The following SFSWAP variants were observed in gnomAD, a reference collection of about 807,000 sequenced individuals.
SFSWAP encodes splicing factor SWAP.
SFSWAP carries 17 observed loss-of-function variants against 100.7 expected under a neutral mutation model. The ratio of observed to expected loss-of-function variants is 0.17; its 90% CI spans 0.12 to 0.25. The LOEUF (loss-of-function observed/expected upper bound fraction) is 0.25. SFSWAP is among the 10% of genes least tolerant of loss of function. SFSWAP has a pLI of 1.00. For synonymous variants in SFSWAP, 504 were observed against 510.1 expected (o/e 0.99, Z 0.16); for missense variants, 1,005 against 1,262.6 (o/e 0.80, Z 3.09).
chr12:131,734,239 A>G lies in SFSWAP; in HGVS notation c.1081+5811A>G, dbSNP rs1231532469. On this transcript the variant is annotated intron_variant, in intron 7 of 17. Coordinates refer to ENST00000261674, the MANE Select transcript of SFSWAP (RefSeq NM_004592.4). This position sits in a 1 kb window ranked among gnomAD's most constrained non-coding sequence, Gnocchi z 4.9. Reference sequence around the variant, plus strand: ...ACGTTGGGCTGGGTGTGGCTCGTACATAGGACAGGGCCCACACACTGGATT... The same window carrying G: ...ACGTTGGGCTGGGTGTGGCTCGTACGTAGGACAGGGCCCACACACTGGATT... 1.3e-5 allele frequency among the ~76,000 whole-genome samples: 2 copies of G among 152,236 alleles called. No individual in the cohort carries two copies. Among genetic ancestry groups the G allele is most frequent in the Non-Finnish European group, 2.9e-5 (2 of 68,028 alleles).
chr12:131,718,166 A>C (rs1282329477), intron 3 of SFSWAP, among the ~76,000 whole-genome samples: 5 of 152,246 alleles, frequency 3.3e-5, no homozygotes, highest in African/African-American at 1.2e-4. Flanking sequence ...TCAGACTGGA[A>C]TACCCAAGTT....
intron 15 of SFSWAP, among the ~76,000 whole-genome samples, chr12:131,791,748 CAAAA>C (rs1039039479): frequency 4.6e-5 from 7 of 152,192 alleles, no homozygotes; most frequent in East Asian, 3.9e-4. Context: ...TCTCAAAAAA[CAAAA>C]AGAAAGAAAG....
At chr12:131,717,326 C>T (rs1466251152) in intron 3 of SFSWAP, among the ~76,000 whole-genome samples, 1 of 152,162 alleles carries the variant, frequency 6.6e-6, no homozygotes, top group Non-Finnish European at 1.5e-5. Context: ...CTGATCTTTA[C>T]TATTTTCAGT....
chr12:131,716,402 CATTT>C (rs1233475280), intron 3 of SFSWAP, among the ~76,000 whole-genome samples: 1 of 152,204 alleles, frequency 6.6e-6, no homozygotes. Context: ...CGTAAACACC[CATTT>C]ATTTATCCAG....
rs1022100356 is a variant in SFSWAP at position 131,778,025 on chromosome 12, G to GT, written c.2143-36dup. On this transcript the variant is annotated intron_variant, in intron 13 of 17. Coordinates refer to ENST00000261674, the MANE Select transcript of SFSWAP (RefSeq NM_004592.4). The surrounding 1 kb of genome is among the most constrained non-coding windows in gnomAD (Gnocchi z 4.2). ...TATAGATATACATCTTCAATGTTCT[G>GT]TTTTCCCTGTTAACACCCAGATTTT... The GT allele has an allele frequency of 1.9e-6, 3 of 1,580,516 alleles. No individual in the cohort carries two copies. The highest frequency in any genetic ancestry group is 2.0e-5 in the Admixed American group (1 of 49,870).
intron 7 of SFSWAP, among the ~76,000 whole-genome samples, chr12:131,728,825 T>C (rs1469914319): frequency 6.6e-6 from 1 of 151,992 alleles, no homozygotes; most frequent in African/African-American, 2.4e-5. Flanking sequence ...TCGGTCTCTC[T>C]AGTAGGTGGG....
At chr12:131,791,609 G>A (rs545462483) in intron 15 of SFSWAP, among the ~76,000 whole-genome samples, 22 of 150,576 alleles carry the variant, frequency 1.5e-4, no homozygotes, top group Non-Finnish European at 2.1e-4. Context: ...AAAATTAACC[G>A]GGTGTGGTAG....
intron 9 of SFSWAP, among the ~76,000 whole-genome samples, 155 bp downstream of exon 9, chr12:131,754,654 G>A (rs1306477535): frequency 4.4e-5 from 2 of 45,672 alleles, no homozygotes; most frequent in Admixed American, 3.6e-4. Flanking sequence ...TTTTTTTTGA[G>A]ATGGAGTCTT....
chr12:131,750,070 G>A (rs577015482), intron 7 of SFSWAP, among the ~76,000 whole-genome samples: 5 of 152,346 alleles, frequency 3.3e-5, no homozygotes, highest in Middle Eastern at 3.4e-3. Context: ...GAAGCCCTTC[G>A]GGAGGCTGGC....
At chr12:131,770,090 T>C (rs1028267781) in intron 13 of SFSWAP, among the ~76,000 whole-genome samples, 4 of 152,272 alleles carry the variant, frequency 2.6e-5, no homozygotes, top group African/African-American at 9.6e-5. Flanking sequence ...TGTAATTAAA[T>C]TGGCAATTGC....
chr12:131,716,900 TATC>T (rs1877968128), intron 3 of SFSWAP, among the ~76,000 whole-genome samples: 1 of 152,234 alleles, frequency 6.6e-6, no homozygotes, highest in South Asian at 2.1e-4. Flanking sequence ...TGACTTAGCT[TATC>T]ATCTGAGTAT....
chr12:131,748,276 T>C (rs1593143833), intron 7 of SFSWAP, among the ~76,000 whole-genome samples: 1 of 144,282 alleles, frequency 6.9e-6, no homozygotes, highest in African/African-American at 2.5e-5. Context: ...AGCCTCCACC[T>C]CCCGGGTTCA....
intron 3 of SFSWAP, among the ~76,000 whole-genome samples, chr12:131,716,150 G>A (rs1255601979): frequency 4.6e-5 from 7 of 152,178 alleles, no homozygotes; most frequent in African/African-American, 1.7e-4. Context: ...ATAGGACGTG[G>A]GGCAAACGCA....
At position 131,756,324 on chromosome 12, in the gene SFSWAP, T is replaced by C; in HGVS notation, c.1549-149T>C. ...TTCCATTGTAAGAAAAAACAGCAGA[T>C]CTGGATTTGGAAGTCTGTTCCCAGT... On this transcript the variant is annotated intron_variant, in intron 10 of 17. Transcript: ENST00000261674. 6.1e-6 allele frequency: 4 copies of C among 659,210 alleles called. No individual in the cohort carries two copies. The South Asian group carries it at 7.5e-5, about 12-fold the overall frequency. The allele number at this position is 659,210 out of a possible 1,614,324, so 40.8% of individuals were successfully genotyped here.
intron 7 of SFSWAP, among the ~76,000 whole-genome samples, chr12:131,738,433 C>T (rs775847651): frequency 7.2e-5 from 11 of 152,184 alleles, no homozygotes; most frequent in Non-Finnish European, 1.2e-4. Context: ...CAAAGATCAT[C>T]TTTATGCACG....
chr12:131,787,865 T>G (rs569311644), intron 15 of SFSWAP, among the ~76,000 whole-genome samples: 1 of 152,318 alleles, frequency 6.6e-6, no homozygotes, highest in African/African-American at 2.4e-5. Context: ...AAGATGTGAT[T>G]TTTTTCTTAA....
chr12:131,739,084 C>T (rs1880349131), intron 7 of SFSWAP, among the ~76,000 whole-genome samples: 1 of 151,762 alleles, frequency 6.6e-6, no homozygotes, highest in South Asian at 2.1e-4. Context: ...TGCTATGTTG[C>T]CCAGGCTGAT....
intron 12 of SFSWAP, 103 bp from the exon 13 acceptor site, chr12:131,766,015 T>C (rs1383508221): frequency 1.7e-6 from 2 of 1,177,638 alleles, no homozygotes; most frequent in Admixed American, 2.3e-5. Context: ...TCAGAAACTT[T>C]AACTAACTGC....
intron 14 of SFSWAP, 113 bp from the exon 15 acceptor site, chr12:131,786,350 C>T: frequency 1.5e-6 from 2 of 1,351,178 alleles, no homozygotes; most frequent in South Asian, 3.0e-5. Flanking sequence ...ACAGGCACCA[C>T]CCTGAGGAGC....
Sources: allele counts gnomAD v4.1 joint callset (sites outside exome capture counted in the v4.1 genomes callset), GRCh38; gene constraint gnomAD v4.1.1; non-coding constraint Gnocchi (gnomAD v3.1); transcripts MANE v1.5; gene names NCBI Gene and HGNC (gene_info 2026-07-23, HGNC 2026-07-21).